Variants in ARHGAP15 observed in about 807,000 individuals in gnomAD.
ARHGAP15 encodes the protein rho GTPase-activating protein 15.
ARHGAP15 carries 51 observed loss-of-function variants against 63.7 expected under a neutral mutation model. That is an observed-to-expected ratio of 0.80 (90% CI 0.64 to 1.01). ARHGAP15 has a LOEUF of 1.01. Ranked by LOEUF, ARHGAP15 falls within the 50% of genes least tolerant of loss-of-function variation. ARHGAP15 has a pLI of 0.00. For missense variants in ARHGAP15, 560 were observed against 564.6 expected, an observed-to-expected ratio of 0.99 and a Z score of 0.08; for synonymous variants, 191 against 193.8, an observed-to-expected ratio of 0.99 and a Z score of 0.12.
chr2:143,581,211 T>A (rs1696889075), intron 11 of ARHGAP15, among the ~76,000 whole-genome samples: 1 of 149,974 alleles, frequency 6.7e-6, no homozygotes, highest in African/African-American at 2.5e-5. Flanking sequence ...CCAAGTGACA[T>A]TTGTCTCAAT....
At chr2:143,746,506 C>T (rs1397892157) in intron 13 of ARHGAP15, among the ~76,000 whole-genome samples, 4 of 152,144 alleles carry the variant, frequency 2.6e-5, no homozygotes, top group Non-Finnish European at 5.9e-5. Context: ...TTGGGGAGTA[C>T]CTCACTTCTG....
chr2:143,703,174 A>T (rs10173341), intron 12 of ARHGAP15, among the ~76,000 whole-genome samples: 1 of 152,084 alleles, frequency 6.6e-6, no homozygotes, highest in Non-Finnish European at 1.5e-5. Flanking sequence ...GAGAAAAGGT[A>T]CAAAGGCTAA....
intron 11 of ARHGAP15, among the ~76,000 whole-genome samples, chr2:143,578,961 GTTC>G (rs1265628968): frequency 1.3e-5 from 2 of 152,000 alleles, no homozygotes; most frequent in African/African-American, 2.4e-5. Flanking sequence ...ACACTACAAA[GTTC>G]TTATTTTTTC....
chr2:143,387,942 TACAC>T (rs146943367), intron 6 of ARHGAP15, among the ~76,000 whole-genome samples: 1,682 of 151,366 alleles, frequency 0.011, 38 homozygotes, highest in African/African-American at 0.039. Flanking sequence ...TGCATGCACA[TACAC>T]ACACAAGCAA....
chr2:143,499,523 G>T (rs1692963331), intron 9 of ARHGAP15, among the ~76,000 whole-genome samples: 1 of 152,156 alleles, frequency 6.6e-6, no homozygotes, highest in Non-Finnish European at 1.5e-5. Flanking sequence ...GCAACCTTGA[G>T]TTAAATTTTA....
At chr2:143,205,054 G>A (rs1023316482) in intron 3 of ARHGAP15, among the ~76,000 whole-genome samples, 3 of 151,804 alleles carry the variant, frequency 2.0e-5, no homozygotes, top group Admixed American at 6.6e-5. Context: ...TTTAGGTTGG[G>A]AGTTCAAGAC....
intron 9 of ARHGAP15, 27 bp from the exon 10 acceptor site, chr2:143,519,239 T>G (rs1693954875): frequency 6.5e-7 from 1 of 1,530,432 alleles, no homozygotes; most frequent in African/African-American, 1.4e-5. Flanking sequence ...TGGATTTTAA[T>G]GAAGCTCATC....
intron 12 of ARHGAP15, among the ~76,000 whole-genome samples, chr2:143,692,953 A>G (rs1413760307): frequency 6.6e-6 from 1 of 152,190 alleles, no homozygotes; most frequent in Non-Finnish European, 1.5e-5. Flanking sequence ...GAATGGAGTC[A>G]TTTGAGAAAA....
At chr2:143,484,251 A>G (rs1328323094) in intron 8 of ARHGAP15, among the ~76,000 whole-genome samples, 1 of 152,050 alleles carries the variant, frequency 6.6e-6, no homozygotes, top group East Asian at 1.9e-4. Flanking sequence ...CTGTACTCCC[A>G]GCTACTCAGG....
At chr2:143,321,581 T>C (rs1422372320) in intron 6 of ARHGAP15, among the ~76,000 whole-genome samples, 1 of 152,238 alleles carries the variant, frequency 6.6e-6, no homozygotes, top group Non-Finnish European at 1.5e-5. Context: ...GAAATAAAAT[T>C]TTCTTCTGGA....
In ARHGAP15 at chr2:143,218,277, CTTTTTT is replaced by C. The variant is rs762494225; in HGVS notation, c.296+1849_296+1854del. Among the ~76,000 whole-genome samples the C allele has an allele frequency of 2.0e-3, 180 of 92,054 alleles. 3 individuals are homozygous for C. In the South Asian group the frequency reaches 0.022, roughly 11 times the overall value. 60.4% of individuals were successfully genotyped at this position (92,054 alleles called of 152,430 possible). ...CTTAAAGTTATATGTTTTAGTTTTC[CTTTTTT>C]TTTTTTTTTTTTTTTTGTTGCTGCT... On this transcript the variant is annotated intron_variant, in intron 4 of 13. Transcript: ENST00000295095.
At chr2:143,575,037 T>A (rs1005529330) in intron 11 of ARHGAP15, among the ~76,000 whole-genome samples, 1 of 152,138 alleles carries the variant, frequency 6.6e-6, no homozygotes, top group Non-Finnish European at 1.5e-5. Context: ...TCTAGAGATT[T>A]TCCAATACAT....
At chr2:143,713,317 C>T (rs1270895675) in intron 13 of ARHGAP15, among the ~76,000 whole-genome samples, 1 of 152,170 alleles carries the variant, frequency 6.6e-6, no homozygotes, top group African/African-American at 2.4e-5. Flanking sequence ...TCTTGTGAGA[C>T]TTATTCACTA....
chr2:143,156,860 G>T (rs1304985203), intron 2 of ARHGAP15, among the ~76,000 whole-genome samples: 1 of 151,854 alleles, frequency 6.6e-6, no homozygotes, highest in Admixed American at 6.6e-5. Context: ...GCCTGACTTT[G>T]CTTTTAAACC....
At chr2:143,343,371 G>C (rs939530832) in intron 6 of ARHGAP15, among the ~76,000 whole-genome samples, 1 of 152,002 alleles carries the variant, frequency 6.6e-6, no homozygotes, top group Non-Finnish European at 1.5e-5. Flanking sequence ...AATTTGGCAG[G>C]GGGTGGGGTG....
chr2:143,275,299 T>G (rs1180079392), intron 6 of ARHGAP15, among the ~76,000 whole-genome samples: 1 of 152,170 alleles, frequency 6.6e-6, no homozygotes, highest in African/African-American at 2.4e-5. Context: ...AAGTTGTCTG[T>G]GGAGAGATCC....
chr2:143,585,447 A>G (rs1276183042), intron 11 of ARHGAP15, among the ~76,000 whole-genome samples: 2 of 152,156 alleles, frequency 1.3e-5, no homozygotes, highest in South Asian at 2.1e-4. Flanking sequence ...GAACAACACC[A>G]TTCTAGATGG....
At chr2:143,399,825 T>C (rs531758461) in intron 6 of ARHGAP15, among the ~76,000 whole-genome samples, 1 of 152,126 alleles carries the variant, frequency 6.6e-6, no homozygotes, top group South Asian at 2.1e-4. Context: ...TTTTCCTCTA[T>C]CAGATAAGGA....
At chr2:143,254,299 CA>C (rs1165936613) in intron 6 of ARHGAP15, among the ~76,000 whole-genome samples, 1 of 152,012 alleles carries the variant, frequency 6.6e-6, no homozygotes, top group Non-Finnish European at 1.5e-5. Context: ...CTCCCTCACA[CA>C]AGCGGGGCTA....
Sources: gnomAD v4.1 joint callset for allele counts (sites outside exome capture counted in the v4.1 genomes callset) on GRCh38, gnomAD v4.1.1 for gene constraint, MANE v1.5 for transcripts, NCBI Gene and HGNC (gene_info 2026-07-23, HGNC 2026-07-21) for gene names.